CCDC171: variants seen among roughly 807,000 people sequenced by gnomAD.
CCDC171 encodes the protein coiled-coil domain-containing protein 171.
CCDC171 carries 177 observed loss-of-function variants against 168.2 expected under a neutral mutation model. That is an observed-to-expected ratio of 1.05 (90% CI 0.93 to 1.19). The LOEUF (loss-of-function observed/expected upper bound fraction) is 1.19. Among genes scored for constraint, CCDC171 ranks in the 50% most tolerant of loss-of-function variants. CCDC171 has a pLI of 0.00. For synonymous variants in CCDC171, 687 were observed against 540.8 expected (o/e 1.27, Z -3.75); for missense variants, 1,991 against 1,539.0 (o/e 1.29, Z -4.91).
chr9:15,863,282 C>A (rs911680452), intron 23 of CCDC171, among the ~76,000 whole-genome samples: 3 of 151,932 alleles, frequency 2.0e-5, no homozygotes, highest in Non-Finnish European at 4.4e-5. Flanking sequence ...CTTCAGTTTT[C>A]CCAGTGGTTT....
chr9:15,800,656 C>A (rs367698871), intron 21 of CCDC171, among the ~76,000 whole-genome samples: 6 of 152,048 alleles, frequency 3.9e-5, no homozygotes, highest in African/African-American at 1.4e-4. Flanking sequence ...GTTATCTGTG[C>A]TTGTGCGATA....
chr9:15,880,695 C>T (rs138434677), intron 24 of CCDC171, among the ~76,000 whole-genome samples: 5,547 of 148,076 alleles, frequency 0.037, 155 homozygotes, highest in Non-Finnish European at 0.062. Context: ...AGGCTGGTCT[C>T]GAACTCCTGA....
At chr9:16,040,980 G>A (rs975872882), upstream of CCDC171, among the ~76,000 whole-genome samples, 13 of 152,102 alleles carry the variant, frequency 8.5e-5, no homozygotes, top group Admixed American at 4.6e-4. Flanking sequence ...GTTTGCAAGC[G>A]TGTGGGTCAA....
chr9:15,803,443 G>T (rs2058923477), intron 21 of CCDC171, among the ~76,000 whole-genome samples: 1 of 151,988 alleles, frequency 6.6e-6, no homozygotes, highest in African/African-American at 2.4e-5. Flanking sequence ...TTTGTATATG[G>T]TATAAGGAAG....
At chr9:15,581,915 G>A (rs1360009697) in intron 4 of CCDC171, among the ~76,000 whole-genome samples, 1 of 152,102 alleles carries the variant, frequency 6.6e-6, no homozygotes, top group Non-Finnish European at 1.5e-5. Context: ...GGCAACAAAA[G>A]CCAAAATAGA....
chr9:15,988,641 C>T (rs1427074547), intron 3 of CCDC171, among the ~76,000 whole-genome samples: 1 of 152,166 alleles, frequency 6.6e-6, no homozygotes, highest in Non-Finnish European at 1.5e-5. Flanking sequence ...ATCGCCTCAC[C>T]CGGGAAGCAC....
chr9:15,661,236 C>T (rs534773973), intron 8 of CCDC171, among the ~76,000 whole-genome samples: 1 of 148,314 alleles, frequency 6.7e-6, no homozygotes, highest in South Asian at 2.1e-4. Context: ...GCAGAGATTG[C>T]ACCACTGAAA....
At chr9:15,672,761 G>A (rs1420500527) in intron 9 of CCDC171, among the ~76,000 whole-genome samples, 6 of 152,160 alleles carry the variant, frequency 3.9e-5, no homozygotes, top group Non-Finnish European at 7.4e-5. Context: ...TAGCCTTGTA[G>A]TATAGTTTAA....
At chr9:15,695,876 A>G (rs1216256750) in intron 11 of CCDC171, among the ~76,000 whole-genome samples, 2 of 152,214 alleles carry the variant, frequency 1.3e-5, no homozygotes, top group Admixed American at 6.5e-5. Flanking sequence ...AGCCCACTTC[A>G]TATGATAAAG....
At chr9:15,597,311 A>G (rs1195056482) in intron 6 of CCDC171, among the ~76,000 whole-genome samples, 7 of 152,040 alleles carry the variant, frequency 4.6e-5, no homozygotes, top group Admixed American at 4.6e-4. Context: ...TTATTTTGAG[A>G]TACGTCCCAT....
intron 1 of CCDC171, among the ~76,000 whole-genome samples, chr9:15,559,683 C>A (rs1208254809): frequency 6.6e-6 from 1 of 152,062 alleles, no homozygotes; most frequent in African/African-American, 2.4e-5. Context: ...TGACTGTATC[C>A]AATTTGCCAG....
the CCDC171 span, among the ~76,000 whole-genome samples, chr9:16,095,400 C>G: frequency 6.6e-6 from 1 of 152,174 alleles, no homozygotes; most frequent in Admixed American, 6.5e-5. Flanking sequence ...TCCCCTACTC[C>G]TATTCTTTTA....
intron 21 of CCDC171, among the ~76,000 whole-genome samples, chr9:15,822,118 C>G (rs1377497441): frequency 4.6e-5 from 7 of 152,142 alleles, no homozygotes; most frequent in African/African-American, 1.7e-4. Context: ...GCTGGGAAAA[C>G]TGGCTAGCCA....
At chr9:16,034,960 TA>T (rs1833435443) in intron 6 of CCDC171, among the ~76,000 whole-genome samples, 1 of 152,192 alleles carries the variant, frequency 6.6e-6, no homozygotes, top group Admixed American at 6.5e-5. Context: ...GTACACTTGA[TA>T]TGCAAACACA....
At chr9:15,554,864 G>A (rs1258605825) in intron 1 of CCDC171, among the ~76,000 whole-genome samples, 1 of 152,144 alleles carries the variant, frequency 6.6e-6, no homozygotes, top group African/African-American at 2.4e-5. Flanking sequence ...TCTGTGAAAT[G>A]TGCATAATCT....
chr9:15,556,204 A>T (rs1242654700), intron 1 of CCDC171, among the ~76,000 whole-genome samples: 2 of 152,166 alleles, frequency 1.3e-5, no homozygotes, highest in African/African-American at 4.8e-5. Flanking sequence ...GTCCGCTGTT[A>T]GTCTGATGGG....
intron 3 of CCDC171, among the ~76,000 whole-genome samples, chr9:16,006,884 A>G (rs1272534046): frequency 6.6e-6 from 1 of 152,222 alleles, no homozygotes; most frequent in Non-Finnish European, 1.5e-5. Flanking sequence ...TAGTACCGCA[A>G]TAAACATACG....
At position 15,848,882 on chromosome 9, in the gene CCDC171, A is replaced by AT. The variant is rs2061010714; in HGVS notation, c.3414-5dup. On this transcript the variant is annotated splice_polypyrimidine_tract_variant and intron_variant, in intron 22 of 25. Transcript: ENST00000380701. ...GAGTTTTACTAACACTTAATCTTTT[A>AT]TTTTTTCTAGAGACAAAGAATGTGT... The AT allele has an allele frequency of 2.0e-6, 3 of 1,523,426 alleles. No homozygotes were observed. Among genetic ancestry groups the AT allele is most frequent in the Non-Finnish European group, 2.7e-6 (3 of 1,114,780 alleles). The allele number at this position is 1,523,426 out of a possible 1,614,324, so 94.4% of individuals were successfully genotyped here.
At chr9:15,631,167 A>G (rs1015140084) in intron 7 of CCDC171, among the ~76,000 whole-genome samples, 1 of 151,992 alleles carries the variant, frequency 6.6e-6, no homozygotes, top group Non-Finnish European at 1.5e-5. Flanking sequence ...GAAATAACTA[A>G]AATCAGAGCA....
Sources: allele counts gnomAD v4.1 joint callset (sites outside exome capture counted in the v4.1 genomes callset), GRCh38; gene constraint gnomAD v4.1.1; transcripts MANE v1.5; gene names NCBI Gene and HGNC (gene_info 2026-07-23, HGNC 2026-07-21).